Variants in EFR3A observed in about 807,000 individuals in gnomAD.
EFR3A encodes protein EFR3 homolog A.
Under a neutral mutation model 104.4 loss-of-function variants are expected in EFR3A, and 76 were observed. The ratio of observed to expected loss-of-function variants is 0.73; its 90% CI spans 0.60 to 0.88. EFR3A has a LOEUF of 0.88. Ranked by LOEUF, EFR3A falls within the 40% of genes least tolerant of loss-of-function variation. The probability of loss-of-function intolerance (pLI) is 0.00; values close to 1 mark genes in which losing one functional copy is unlikely to be tolerated. For missense variants in EFR3A, 985 were observed against 1,012.5 expected (o/e 0.97, Z 0.37); for synonymous variants, 330 against 330.0 (o/e 1.00, Z 0.00).
chr8:131,991,480 GT>G (rs1414343005), intron 18 of EFR3A, among the ~76,000 whole-genome samples: 2 of 152,144 alleles, frequency 1.3e-5, no homozygotes, highest in East Asian at 3.9e-4. Context: ...AAAGTGGCTG[GT>G]TTTGGAGATA....
chr8:131,934,669 A>T (rs1222643605), intron 1 of EFR3A, among the ~76,000 whole-genome samples: 1 of 152,020 alleles, frequency 6.6e-6, no homozygotes, highest in Non-Finnish European at 1.5e-5. Flanking sequence ...ATACAGAATT[A>T]TATATAATAC....
At chr8:131,916,412 G>A (rs1816748274) in intron 1 of EFR3A, among the ~76,000 whole-genome samples, 1 of 152,262 alleles carries the variant, frequency 6.6e-6, no homozygotes, top group African/African-American at 2.4e-5. Flanking sequence ...TTATCATATG[G>A]GTGAATGGTT....
chr8:131,904,160 G>C lies in EFR3A; in HGVS notation c.-153G>C. 1.1e-6 allele frequency: 1 copy of C among 907,910 alleles called. No individual in the cohort carries two copies. Among genetic ancestry groups the C allele is most frequent in the Non-Finnish European group, 1.4e-6 (1 of 694,588 alleles). The allele number at this position is 907,910 out of a possible 1,614,324, so 56.2% of individuals were successfully genotyped here. ...CTGTCGCCCGCTTGGTTGCGTGACCGCGGGGTCCGCGTCCGCTCCCTCCAC... is the reference window on the plus strand; with the variant it reads ...CTGTCGCCCGCTTGGTTGCGTGACCCCGGGGTCCGCGTCCGCTCCCTCCAC... On this transcript the variant is annotated 5_prime_UTR_variant, in exon 1 of 23. Transcript: ENST00000254624.
Position 131,953,809 on chromosome 8 carries a change from T to G in EFR3A, c.489-9T>G. ...GGCTCATTTTCTTCCTTTTTTTTTTTTTTTATAGGATACGAATTGCTGGAA... is the reference window on the plus strand; with the variant it reads ...GGCTCATTTTCTTCCTTTTTTTTTTGTTTTATAGGATACGAATTGCTGGAA... On this transcript the variant is annotated splice_polypyrimidine_tract_variant and intron_variant, in intron 5 of 22. Coordinates refer to ENST00000254624, the MANE Select transcript of EFR3A (RefSeq NM_015137.6). The G allele has an allele frequency of 6.7e-7, 1 of 1,492,564 alleles. No individual in the cohort carries two copies. The highest frequency in any genetic ancestry group is 1.3e-5 in the South Asian group (1 of 75,110). 92.5% of individuals were successfully genotyped at this position (1,492,564 alleles called of 1,614,324 possible).
At chr8:131,919,552 C>T (rs1349149125) in intron 1 of EFR3A, among the ~76,000 whole-genome samples, 2 of 147,136 alleles carry the variant, frequency 1.4e-5, no homozygotes, top group Admixed American at 6.9e-5. Context: ...GCTGAGATTG[C>T]GCCACTGCAC....
At chr8:131,957,688 A>C (rs2130638140) in intron 7 of EFR3A, among the ~76,000 whole-genome samples, 1 of 151,992 alleles carries the variant, frequency 6.6e-6, no homozygotes, top group Non-Finnish European at 1.5e-5. Context: ...GGTAGTTATC[A>C]AAAACTGCTC....
rs34080810 is a variant in EFR3A at position 131,940,481 on chromosome 8, T to TC, written c.11-18_11-17insC. The TC allele has an allele frequency of 4.4e-6, 3 of 682,214 alleles. No individual in the cohort carries two copies. Among genetic ancestry groups the TC allele is most frequent in the African/African-American group, 4.1e-5 (1 of 24,634 alleles). 42.3% of individuals were successfully genotyped at this position (682,214 alleles called of 1,614,324 possible). A position where few individuals can be genotyped will look rare whatever the true frequency, so the allele number is the denominator to read the frequency against. ...TATTAATAATATCTGTATTTCTTGA[T>TC]TTTTTTTTTTTTAACAGGAGTATGC... On this transcript the variant is annotated splice_polypyrimidine_tract_variant and intron_variant, in intron 1 of 22. Coordinates refer to ENST00000254624, the MANE Select transcript of EFR3A (RefSeq NM_015137.6).
At chr8:132,010,495 T>C (rs575422579) in intron 22 of EFR3A, among the ~76,000 whole-genome samples, 1 of 145,282 alleles carries the variant, frequency 6.9e-6, no homozygotes, top group African/African-American at 2.6e-5. Flanking sequence ...TCTGTATACA[T>C]GAAATAATTT....
chr8:131,908,140 A>G (rs903694932), intron 1 of EFR3A, among the ~76,000 whole-genome samples: 3 of 151,332 alleles, frequency 2.0e-5, no homozygotes, highest in African/African-American at 7.3e-5. Context: ...TGTTCACTGC[A>G]ACCTCCAAAT....
At chr8:131,975,380 A>C (rs897309770) in intron 10 of EFR3A, among the ~76,000 whole-genome samples, 5 of 150,384 alleles carry the variant, frequency 3.3e-5, no homozygotes, top group Non-Finnish European at 5.9e-5. Flanking sequence ...CAGAAATACT[A>C]CCAAAATATT....
chr8:131,915,005 A>T (rs1308804309), intron 1 of EFR3A, among the ~76,000 whole-genome samples: 1 of 152,166 alleles, frequency 6.6e-6, no homozygotes, highest in African/African-American at 2.4e-5. Flanking sequence ...TTATGGCTGC[A>T]TAGTATTCCA....
chr8:132,013,477 G>A lies in EFR3A; in HGVS notation c.*2582G>A, dbSNP rs1302343334. 1 of 152,326 alleles carries A rather than the reference G, an allele frequency of 6.6e-6. No individual in the cohort carries two copies. Among genetic ancestry groups the A allele is most frequent in the Non-Finnish European group, 1.5e-5 (1 of 67,986 alleles). 9.4% of individuals were successfully genotyped at this position (152,326 alleles called of 1,614,324 possible). A position where few individuals can be genotyped will look rare whatever the true frequency, so the allele number is the denominator to read the frequency against. ...AAAATGGAACTAATTTGTCTTATTC[G>A]TGCTTATATCTGTATTAAATGCAAT... is the stretch of plus-strand genomic sequence containing the variant. On this transcript the variant is annotated 3_prime_UTR_variant, in exon 23 of 23. Transcript: ENST00000254624.
At chr8:131,927,889 G>A (rs529869372) in intron 1 of EFR3A, among the ~76,000 whole-genome samples, 2 of 152,254 alleles carry the variant, frequency 1.3e-5, no homozygotes, top group African/African-American at 4.8e-5. Context: ...ACAAGTTAAA[G>A]AACAGATATA....
chr8:131,988,552 T>A (rs1821014323), intron 18 of EFR3A, among the ~76,000 whole-genome samples: 1 of 152,110 alleles, frequency 6.6e-6, no homozygotes, highest in Non-Finnish European at 1.5e-5. Flanking sequence ...TCTTTTAAAT[T>A]TTATGCTTTA....
At chr8:131,954,082 T>G (rs780401744) in intron 6 of EFR3A, 115 bp downstream of exon 6, 17 of 1,048,858 alleles carry the variant, frequency 1.6e-5, no homozygotes, top group Non-Finnish European at 2.0e-5. Context: ...TCTCGTAAAG[T>G]TAAGTGAGTT....
rs565606213 is a variant in EFR3A, at chr8:131,934,679, C to T, written c.11-5820C>T. On this transcript the variant is annotated intron_variant, in intron 1 of 22. Transcript: ENST00000254624. ...TAAAAATACAGAATTATATATAATA[C>T]GTGTGTGTGTGTGTATATTGCTCTT... is the stretch of plus-strand genomic sequence containing the variant. Among the ~76,000 whole-genome samples the T allele has an allele frequency of 1.9e-3, 286 of 151,082 alleles. 2 individuals carry two copies. Among genetic ancestry groups the T allele is most frequent in the African/African-American group, 6.6e-3 (274 of 41,226 alleles).
At chr8:131,960,781 G>A (rs886254945) in intron 8 of EFR3A, among the ~76,000 whole-genome samples, 2 of 152,132 alleles carry the variant, frequency 1.3e-5, no homozygotes, top group African/African-American at 4.8e-5. Flanking sequence ...CCTATCTTTT[G>A]TGCTAAATTT....
intron 1 of EFR3A, among the ~76,000 whole-genome samples, chr8:131,934,164 T>C (rs1307856869): frequency 1.3e-5 from 2 of 152,220 alleles, no homozygotes; most frequent in Non-Finnish European, 2.9e-5. Context: ...ATCTAATTAG[T>C]CACCAAACTC....
chr8:131,949,508 A>G (rs1403542606), intron 4 of EFR3A, among the ~76,000 whole-genome samples: 1 of 152,126 alleles, frequency 6.6e-6, no homozygotes, highest in Non-Finnish European at 1.5e-5. Context: ...GTTTATTATT[A>G]AAAAGTTTCT....
Sources: allele counts gnomAD v4.1 joint callset (sites outside exome capture counted in the v4.1 genomes callset), GRCh38; gene constraint gnomAD v4.1.1; transcripts MANE v1.5; gene names NCBI Gene and HGNC (gene_info 2026-07-23, HGNC 2026-07-21).